The following ETV6 variants were observed in gnomAD, a reference collection of about 807,000 sequenced individuals.
ETV6 encodes the protein ETS variant transcription factor 6, also known as transcription factor ETV6.
In ETV6, 16 loss-of-function variants were observed where a neutral mutation model predicts 51.1. The observed-to-expected ratio is 0.31, with a 90% CI of 0.21 to 0.48. The LOEUF is 0.48. Among genes scored for constraint, ETV6 ranks in the 20% least tolerant of loss-of-function variants. The probability of loss-of-function intolerance (pLI) is 0.99; values close to 1 mark genes in which losing one functional copy is unlikely to be tolerated. For synonymous variants in ETV6, 240 were observed against 224.1 expected (o/e 1.07, Z -0.64); for missense variants, 458 against 594.8 (o/e 0.77, Z 2.39).
At chr12:11,651,292 G>A (rs771823233) in intron 1 of ETV6, among the ~76,000 whole-genome samples, 2 of 152,148 alleles carry the variant, frequency 1.3e-5, no homozygotes, top group Non-Finnish European at 1.5e-5. Flanking sequence ...TGTTTTCTTC[G>A]TCTGTGGGGA....
At chr12:11,772,447 G>T (rs1268428120) in intron 2 of ETV6, among the ~76,000 whole-genome samples, 1 of 152,192 alleles carries the variant, frequency 6.6e-6, no homozygotes, top group African/African-American at 2.4e-5. Context: ...GCCTGGCCTT[G>T]GATAGACTCT....
chr12:11,752,419 C>T (rs1019811151), intron 1 of ETV6, 31 bp from the exon 2 acceptor site: 2 of 1,595,342 alleles, frequency 1.3e-6, no homozygotes, highest in Non-Finnish European at 1.7e-6. Flanking sequence ...TCTCTCTCCC[C>T]CTCCCCTCTT....
At chr12:11,672,174 A>G (rs987323284) in intron 1 of ETV6, among the ~76,000 whole-genome samples, 32 of 152,074 alleles carry the variant, frequency 2.1e-4, no homozygotes, top group African/African-American at 6.3e-4. Flanking sequence ...CTGTCGCAAA[A>G]TATAATCAGG....
intron 3 of ETV6, among the ~76,000 whole-genome samples, chr12:11,851,403 G>C (rs1946552423): frequency 6.6e-6 from 1 of 152,160 alleles, no homozygotes; most frequent in South Asian, 2.1e-4. Context: ...ACAAAGTGTT[G>C]ATTAGGGGCT....
intron 2 of ETV6, among the ~76,000 whole-genome samples, chr12:11,780,801 G>A (rs538419411): frequency 6.6e-6 from 1 of 152,246 alleles, no homozygotes; most frequent in African/African-American, 2.4e-5. Context: ...GTATGTGGAT[G>A]CTGAGCAGAC....
intron 1 of ETV6, among the ~76,000 whole-genome samples, chr12:11,690,104 G>C (rs1013805401): frequency 6.6e-6 from 1 of 151,924 alleles, no homozygotes; most frequent in Non-Finnish European, 1.5e-5. Flanking sequence ...GTGGTGTCCA[G>C]AGCTCAAGTC....
intron 1 of ETV6, among the ~76,000 whole-genome samples, chr12:11,740,341 T>G (rs1019407733): frequency 6.6e-6 from 1 of 152,236 alleles, no homozygotes; most frequent in Admixed American, 6.5e-5. Flanking sequence ...CTTCAACTTT[T>G]TTGTTAAACT....
intron 2 of ETV6, among the ~76,000 whole-genome samples, chr12:11,801,774 C>T (rs577010899): frequency 1.3e-5 from 2 of 152,052 alleles, no homozygotes; most frequent in Non-Finnish European, 2.9e-5. Context: ...AGAACCTGCA[C>T]CCGCATGCAT....
intron 1 of ETV6, among the ~76,000 whole-genome samples, chr12:11,750,391 T>G (rs540705317): frequency 6.6e-6 from 1 of 151,978 alleles, no homozygotes; most frequent in Non-Finnish European, 1.5e-5. Context: ...CTTGGTGGAG[T>G]TGGGGCAGGC....
intron 2 of ETV6, among the ~76,000 whole-genome samples, chr12:11,794,371 G>A (rs1404418440): frequency 6.6e-6 from 1 of 152,204 alleles, no homozygotes; most frequent in Non-Finnish European, 1.5e-5. Flanking sequence ...TTAGGGCTGT[G>A]TTCTTTCTCA....
Position 11,698,920 on chromosome 12 carries a change from G to T in ETV6, c.33+48760G>T, listed in dbSNP as rs576617469. 5.9e-5 allele frequency among the ~76,000 whole-genome samples: 9 copies of T among 152,304 alleles called. No individual in the cohort carries two copies. The South Asian group carries it at 1.9e-3, about 32-fold the overall frequency. On this transcript the variant is annotated intron_variant, in intron 1 of 7. Coordinates refer to ENST00000396373, the MANE Select transcript of ETV6 (RefSeq NM_001987.5). ...TAACAGGTAGGGAAGTTGGGGATTA[G>T]AGAGGTTATGTAACCTGCCTAAAGT...
At chr12:11,858,099 GTCAT>G (rs1327619320) in intron 4 of ETV6, among the ~76,000 whole-genome samples, 2 of 152,230 alleles carry the variant, frequency 1.3e-5, no homozygotes, top group East Asian at 3.9e-4. Context: ...CAAGAGTAGC[GTCAT>G]TCACTTATTT....
At chr12:11,826,276 G>C (rs893722099) in intron 2 of ETV6, 1 of 152,218 alleles carries the variant, frequency 6.6e-6, no homozygotes, top group African/African-American at 2.4e-5. Flanking sequence ...CTCCATCCAT[G>C]ATGAGCCACT....
chr12:11,706,773 G>A (rs1490735326), intron 1 of ETV6, among the ~76,000 whole-genome samples: 2 of 152,234 alleles, frequency 1.3e-5, no homozygotes, highest in Non-Finnish European at 2.9e-5. Context: ...AGCCATATCT[G>A]TTTTCTTTCA....
intron 4 of ETV6, among the ~76,000 whole-genome samples, chr12:11,856,080 T>TCTC (rs1946628855): frequency 6.6e-6 from 1 of 152,192 alleles, no homozygotes; most frequent in South Asian, 2.1e-4. Flanking sequence ...GCTTATGGTC[T>TCTC]CTCCTCCTCA....
At chr12:11,663,408 A>G (rs1197349401) in intron 1 of ETV6, among the ~76,000 whole-genome samples, 3 of 152,178 alleles carry the variant, frequency 2.0e-5, no homozygotes, top group Non-Finnish European at 4.4e-5. Context: ...TCCTGCATTT[A>G]TTCCAGGGTT....
chr12:11,805,762 G>C lies in ETV6; in HGVS notation c.164-33378G>C, dbSNP rs564014026. On this transcript the variant is annotated intron_variant, in intron 2 of 7. Coordinates refer to ENST00000396373, the MANE Select transcript of ETV6 (RefSeq NM_001987.5). ...CTTTGGTGAGGATTGCAGATGGTGA[G>C]GTAGAACAAGACAGTCACGTTAAGG... Among the ~76,000 whole-genome samples, 16 of 152,264 alleles carry C rather than the reference G, an allele frequency of 1.1e-4. No individual in the cohort carries two copies. The East Asian group carries it at 3.1e-3, about 29-fold the overall frequency.
intron 4 of ETV6, among the ~76,000 whole-genome samples, chr12:11,867,291 C>T (rs902025137): frequency 2.6e-4 from 39 of 152,164 alleles, no homozygotes; most frequent in African/African-American, 8.7e-4. Context: ...TCTTGCTTTT[C>T]GTATCTAACC....
At chr12:11,689,805 T>TCCCC (rs1190370416) in intron 1 of ETV6, among the ~76,000 whole-genome samples, 2 of 40,888 alleles carry the variant, frequency 4.9e-5, no homozygotes, top group African/African-American at 1.0e-4. Context: ...GGAGTCTTTT[T>TCCCC]CCCTCCCCCC....
Sources: gnomAD v4.1 joint callset for allele counts (sites outside exome capture counted in the v4.1 genomes callset) on GRCh38, gnomAD v4.1.1 for gene constraint, MANE v1.5 for transcripts, NCBI Gene and HGNC (gene_info 2026-07-23, HGNC 2026-07-21) for gene names.